Variants in OFD1 observed in about 807,000 individuals in gnomAD.
OFD1 encodes the protein centriole and centriolar satellite protein OFD1.
In OFD1, 12 loss-of-function variants were observed where a neutral mutation model predicts 81.4. That is an observed-to-expected ratio of 0.15 (90% CI 0.09 to 0.24). The LOEUF (loss-of-function observed/expected upper bound fraction) is 0.24. OFD1 is among the 10% of genes least tolerant of loss of function. OFD1 has a pLI of 1.00. For missense variants in OFD1, 685 were observed against 733.9 expected, an observed-to-expected ratio of 0.93 and a Z score of 0.77; for synonymous variants, 256 against 263.7, an observed-to-expected ratio of 0.97 and a Z score of 0.28.
rs906269679 is a variant in OFD1, at chrX:13,751,358, G to A, written c.1045G>A (p.Glu349Lys). Residue 349 changes from glutamate (E) to lysine (K), a missense_variant, in exon 10 of 23, where the codon GAA (glutamate) becomes AAA (lysine). This residue lies in a region of OFD1 where 414 missense variants were observed against 447.2 expected (regional missense o/e 0.93). Coordinates refer to ENST00000340096, the MANE Select transcript of OFD1 (RefSeq NM_003611.3). ...GACCTATGACCGAAAGCTCAAGAAT[G>A]AACTTCTAAAGTAATTGTTTAGCAT... ...EETYDRKLKN[E>K]LLKYQLELKD... The A allele has an allele frequency of 1.7e-6, 2 of 1,196,887 alleles. No individual in the cohort carries two copies. The highest frequency in any genetic ancestry group is 2.3e-6 in the Non-Finnish European group (2 of 883,779).
chrX:13,744,514 C>G lies in OFD1; in HGVS notation c.512C>G (p.Ser171Cys), dbSNP rs746789801. The change falls in exon 6 of 23, where the codon TCT becomes TGT. Residue 171 changes from serine to cysteine, a missense_variant. Ser to Cys is a moderately radical substitution (Grantham distance 112). This residue lies in a region of OFD1 where 414 missense variants were observed against 447.2 expected (regional missense o/e 0.93). Transcript: ENST00000340096. ...TQTSSTFNRD[S>C]LAEKLQLIDD... ...ACAAGTTCGACATTTAACAGAGATT[C>G]TCTGGGTAATTATAGCCTTCTTTCT... 1 of 1,090,012 alleles carries G rather than the reference C, an allele frequency of 9.2e-7. No homozygotes were observed. The allele number at this position is 1,090,012 out of a possible 1,213,427, so 89.8% of individuals were successfully genotyped here.
the OFD1 span, among the ~76,000 whole-genome samples, chrX:13,724,001 G>T: frequency 8.9e-6 from 1 of 112,094 alleles, no homozygotes; most frequent in Non-Finnish European, 1.9e-5. Context: ...TCAGGGGGAA[G>T]TGACAGAAGA....
At chrX:13,747,901 T>C (rs1360939348) in intron 8 of OFD1, among the ~76,000 whole-genome samples, 1 of 111,296 alleles carries the variant, frequency 9.0e-6, no homozygotes, top group Non-Finnish European at 1.9e-5. Context: ...GGAGTCCATG[T>C]TGGCAAGCAG....
the OFD1 span, among the ~76,000 whole-genome samples, chrX:13,726,272 C>T: frequency 9.0e-6 from 1 of 111,511 alleles, no homozygotes; most frequent in Admixed American, 9.5e-5. Context: ...CACAAAGATA[C>T]TCCTCGAGAA....
At chrX:13,734,410 G>C (rs2046762001), upstream of OFD1, 1 of 266,774 alleles carries the variant, frequency 3.7e-6, no homozygotes, top group South Asian at 1.2e-4. Context: ...GGTCCGGCCC[G>C]GCCACCCCGG....
intron 11 of OFD1, 129 bp from the exon 12 acceptor site, chrX:13,755,022 C>A: frequency 1.9e-6 from 1 of 522,889 alleles, no homozygotes; most frequent in Non-Finnish European, 3.4e-6. Flanking sequence ...TCTTACTTGC[C>A]CGCTACATCT....
the OFD1 span, among the ~76,000 whole-genome samples, chrX:13,729,052 A>G: frequency 4.5e-5 from 5 of 111,787 alleles, no homozygotes; most frequent in African/African-American, 1.6e-4. Flanking sequence ...GACGTGAAGG[A>G]CCTCTTCAAG....
At chrX:13,757,011 G>T (rs1480165308) in intron 13 of OFD1, among the ~76,000 whole-genome samples, 1 of 111,515 alleles carries the variant, frequency 9.0e-6, no homozygotes, top group African/African-American at 3.3e-5. Context: ...GTGGCCCTAG[G>T]CTGGCCACTG....
chrX:13,717,568 C>T, the OFD1 span, among the ~76,000 whole-genome samples: 1 of 110,407 alleles, frequency 9.1e-6, no homozygotes, highest in African/African-American at 3.3e-5. Context: ...ATGGTGAAAT[C>T]CCATCTCTAC....
downstream of OFD1, chrX:13,772,180 A>G (rs2048312811): frequency 8.9e-6 from 1 of 112,604 alleles, no homozygotes; most frequent in Non-Finnish European, 1.9e-5. Context: ...TTAAAATGAA[A>G]TCTGTTATAA....
At chrX:13,752,544 G>T (rs2047544117) in intron 10 of OFD1, among the ~76,000 whole-genome samples, 1 of 112,302 alleles carries the variant, frequency 8.9e-6, no homozygotes, top group Non-Finnish European at 1.9e-5. Flanking sequence ...ATTTTGAAAT[G>T]ATGTATTTTA....
At position 13,760,620 on chromosome X, in the gene OFD1, T is replaced by G; in HGVS notation, c.2160T>G (p.Ser720Arg). The G allele has an allele frequency of 8.3e-7, 1 of 1,211,763 alleles. No homozygotes were observed. Among genetic ancestry groups the G allele is most frequent in the Non-Finnish European group, 1.1e-6 (1 of 895,386 alleles). ...RNDVVEALTG[S>R]AASRLRGGTS... is the part of the protein sequence containing the mutation. Reference sequence around the variant, plus strand: ...ACGTCGTGGAAGCACTGACAGGCAGTGCAGCCTCGAGGCTCCGCGGGGGCA... The same window carrying G: ...ACGTCGTGGAAGCACTGACAGGCAGGGCAGCCTCGAGGCTCCGCGGGGGCA... The change falls in exon 16 of 23, where the codon AGT (serine) becomes AGG (arginine). Residue 720 changes from serine to arginine, a missense_variant. Transcript: ENST00000340096.
intron 15 of OFD1, among the ~76,000 whole-genome samples, chrX:13,759,231 C>G (rs757830298): frequency 1.8e-5 from 2 of 112,274 alleles, no homozygotes; most frequent in Non-Finnish European, 3.8e-5. Flanking sequence ...TCCTCATCAG[C>G]TCCTTGCTCT....
upstream of OFD1, chrX:13,734,614 T>TTCTCGCGATACCCTGGGATGTGC (rs2046772705): frequency 2.5e-6 from 2 of 790,705 alleles, no homozygotes; most frequent in Non-Finnish European, 3.1e-6. Context: ...GCCGAAGCAG[T>TTCTCGCGATACCCTGGGATGTGC]TCTCGCGATA....
At position 13,740,046 on chromosome X, in the gene OFD1, A is replaced by G. The variant is rs112772324; in HGVS notation, c.412+1014A>G. ...CATTTATTCATCCATTCATTCGCCA[A>G]TTCATTTAGAACTTAATCATTTGAA... On this transcript the variant is annotated intron_variant, in intron 5 of 22. Transcript: ENST00000340096. 4.7e-3 allele frequency: 4,381 copies of G among 930,154 alleles called. 11 individuals carry two copies. The highest frequency in any genetic ancestry group is 5.7e-3 in the Non-Finnish European group (4,173 of 734,143). The allele number at this position is 930,154 out of a possible 1,213,427, so 76.7% of individuals were successfully genotyped here. A position where few individuals can be genotyped will look rare whatever the true frequency, so the allele number is the denominator to read the frequency against.
chrX:13,754,439 C>T (rs1267882552), intron 11 of OFD1, among the ~76,000 whole-genome samples: 10 of 97,620 alleles, frequency 1.0e-4, no homozygotes, highest in Admixed American at 8.9e-4. Flanking sequence ...TTTTAAGAGA[C>T]GGAGTCTTGC....
chrX:13,746,799 C>G lies in OFD1; in HGVS notation c.674C>G (p.Thr225Ser). The change falls in exon 8 of 23, where the codon ACC becomes AGC. Residue 225 changes from threonine to serine, a missense_variant. By Grantham distance (58) the Thr-to-Ser change is moderately conservative. Coordinates refer to ENST00000340096, the MANE Select transcript of OFD1 (RefSeq NM_003611.3). ...MCQKLKFFKD[T>S]EIAKIKMEAK... ...TTGCAGTTGAAGTTTTTTAAAGATACCGAGATAGCAAAAATTAAAATGGAA... is the reference window on the plus strand; with the variant it reads ...TTGCAGTTGAAGTTTTTTAAAGATAGCGAGATAGCAAAAATTAAAATGGAA... 5 of 1,197,974 alleles carry G rather than the reference C, an allele frequency of 4.2e-6. No homozygotes were observed. The highest frequency in any genetic ancestry group is 5.6e-6 in the Non-Finnish European group (5 of 886,066).
At chrX:13,717,167 G>A in the OFD1 span, among the ~76,000 whole-genome samples, 1 of 110,047 alleles carries the variant, frequency 9.1e-6, no homozygotes, top group African/African-American at 3.3e-5. Flanking sequence ...GTAAGCAGTA[G>A]AGACAGTTGA....
chrX:13,761,927 T>TG (rs2047949777), intron 17 of OFD1, among the ~76,000 whole-genome samples: 1 of 104,285 alleles, frequency 9.6e-6, no homozygotes, highest in African/African-American at 3.5e-5. Context: ...TTTTTTTTTT[T>TG]GTGATAAGCC....
Sources: gnomAD v4.1 joint callset for allele counts (sites outside exome capture counted in the v4.1 genomes callset) on GRCh38, gnomAD v4.1.1 for gene constraint, gnomAD v4.1.1 regional missense constraint, MANE v1.5 for transcripts, NCBI Gene and HGNC (gene_info 2026-07-23, HGNC 2026-07-21) for gene names.